The following PDE4D variants were observed in gnomAD, a reference collection of about 807,000 sequenced individuals.
PDE4D encodes 3',5'-cyclic-AMP phosphodiesterase 4D.
A neutral mutation model predicts 87.4 loss-of-function variants in PDE4D; 24 were observed. The ratio of observed to expected loss-of-function variants is 0.27; its 90% confidence interval spans 0.20 to 0.39. The LOEUF is 0.39. PDE4D is among the 10% of genes least tolerant of loss of function. PDE4D has a pLI of 1.00. For synonymous variants in PDE4D, 384 were observed against 383.2 expected, an observed-to-expected ratio of 1.00 and a Z score of -0.02; for missense variants, 714 against 1,041.0, an observed-to-expected ratio of 0.69 and a Z score of 4.32.
chr5:60,416,811 T>G (rs1479568891), intron 1 of PDE4D, among the ~76,000 whole-genome samples: 1 of 152,196 alleles, frequency 6.6e-6, no homozygotes, highest in African/African-American at 2.4e-5. Flanking sequence ...TAAAAACAGC[T>G]TGGGAATCTG....
At chr5:59,864,574 C>T (rs1279448870) in intron 1 of PDE4D, among the ~76,000 whole-genome samples, 2 of 152,178 alleles carry the variant, frequency 1.3e-5, no homozygotes, top group Non-Finnish European at 2.9e-5. Flanking sequence ...TTTCACTATG[C>T]TTAGCAAAGA....
chr5:59,749,937 T>C (rs1295275097), intron 1 of PDE4D, among the ~76,000 whole-genome samples: 1 of 152,124 alleles, frequency 6.6e-6, no homozygotes, highest in Non-Finnish European at 1.5e-5. Flanking sequence ...ACAATCTTCC[T>C]CAGCTTGACA....
intron 1 of PDE4D, among the ~76,000 whole-genome samples, chr5:60,331,629 G>A (rs1213707792): frequency 6.6e-6 from 1 of 152,162 alleles, no homozygotes; most frequent in African/African-American, 2.4e-5. Flanking sequence ...TGGCTTACAT[G>A]GGAGGGTTAG....
At chr5:59,100,265 CAT>C (rs1770512917) in intron 5 of PDE4D, among the ~76,000 whole-genome samples, 1 of 152,218 alleles carries the variant, frequency 6.6e-6, no homozygotes, top group African/African-American at 2.4e-5. Flanking sequence ...TGCTTTCTCA[CAT>C]AGTCTTATTC....
intron 5 of PDE4D, among the ~76,000 whole-genome samples, chr5:59,081,105 G>A (rs1239755413): frequency 6.6e-6 from 1 of 152,138 alleles, no homozygotes. Context: ...AAAGAGCATA[G>A]AGTCCTGCTA....
chr5:59,516,364 C>A (rs1453408560), intron 1 of PDE4D, among the ~76,000 whole-genome samples: 1 of 152,150 alleles, frequency 6.6e-6, no homozygotes, highest in Non-Finnish European at 1.5e-5. Context: ...GCCTTCAACA[C>A]CACACCATCA....
chr5:59,419,200 G>A (rs1337142082), intron 1 of PDE4D, among the ~76,000 whole-genome samples: 1 of 152,090 alleles, frequency 6.6e-6, no homozygotes, highest in Non-Finnish European at 1.5e-5. Context: ...CCCAGCTGGT[G>A]GTAGGTGTTT....
intron 1 of PDE4D, among the ~76,000 whole-genome samples, chr5:60,234,300 A>G (rs1746165413): frequency 6.6e-6 from 1 of 151,814 alleles, no homozygotes; most frequent in Non-Finnish European, 1.5e-5. Flanking sequence ...TTTCTCAATA[A>G]TACCTCACCG....
At chr5:59,973,090 C>G (rs1301969717) in intron 3 of PDE4D, among the ~76,000 whole-genome samples, 1 of 152,076 alleles carries the variant, frequency 6.6e-6, no homozygotes, top group East Asian at 1.9e-4. Flanking sequence ...AACAAAAGTT[C>G]ATGAATTTTT....
chr5:59,290,869 A>T (rs1169696467), intron 1 of PDE4D, among the ~76,000 whole-genome samples: 1 of 152,110 alleles, frequency 6.6e-6, no homozygotes, highest in Non-Finnish European at 1.5e-5. Flanking sequence ...GCAAATCAAA[A>T]CTATTGTGAG....
At chr5:59,170,850 G>A (rs1782639934) in intron 5 of PDE4D, among the ~76,000 whole-genome samples, 1 of 150,608 alleles carries the variant, frequency 6.6e-6, no homozygotes, top group South Asian at 2.1e-4. Flanking sequence ...CATTCACAGT[G>A]CTGTAATGAA....
intron 1 of PDE4D, among the ~76,000 whole-genome samples, chr5:59,523,257 T>C (rs185291266): frequency 2.4e-3 from 371 of 152,328 alleles, no homozygotes; most frequent in African/African-American, 8.4e-3. Context: ...AAATCCTTAT[T>C]AGCATTTTGT....
chr5:60,471,889 C>T (rs1747841620), intron 1 of PDE4D, among the ~76,000 whole-genome samples: 1 of 152,070 alleles, frequency 6.6e-6, no homozygotes, highest in Non-Finnish European at 1.5e-5. Context: ...ACAATACTCC[C>T]AAAGTATGCC....
chr5:59,568,842 A>G (rs1821367741), intron 1 of PDE4D, among the ~76,000 whole-genome samples: 1 of 152,176 alleles, frequency 6.6e-6, no homozygotes, highest in Admixed American at 6.5e-5. Context: ...GCCCTGGAAT[A>G]GAAAAAAAGA....
At chr5:60,044,178 T>C (rs1008325295) in intron 2 of PDE4D, among the ~76,000 whole-genome samples, 4 of 152,136 alleles carry the variant, frequency 2.6e-5, no homozygotes, top group Non-Finnish European at 5.9e-5. Flanking sequence ...ATACAAGACA[T>C]GATAAATGCC....
At chr5:59,105,470 C>G (rs1381662782) in intron 5 of PDE4D, among the ~76,000 whole-genome samples, 1 of 152,156 alleles carries the variant, frequency 6.6e-6, no homozygotes, top group Non-Finnish European at 1.5e-5. Context: ...AGAAACTATG[C>G]ATAAGTCCTG....
At chr5:59,410,243 T>G (rs1354407606) in intron 1 of PDE4D, among the ~76,000 whole-genome samples, 4 of 106,230 alleles carry the variant, frequency 3.8e-5, no homozygotes, top group Non-Finnish European at 7.5e-5. Context: ...TCAAGTGTTT[T>G]GTTTGTTTGT....
chr5:59,410,527 G>A (rs558565200), intron 1 of PDE4D, among the ~76,000 whole-genome samples: 3 of 152,134 alleles, frequency 2.0e-5, no homozygotes, highest in Non-Finnish European at 1.5e-5. Flanking sequence ...GATTGCAGGC[G>A]TGAGCCCCTG....
At chr5:59,160,819 C>T (rs554513951) in intron 5 of PDE4D, among the ~76,000 whole-genome samples, 7 of 149,296 alleles carry the variant, frequency 4.7e-5, no homozygotes, top group African/African-American at 1.2e-4. Flanking sequence ...TGTTTTTGGC[C>T]GGGTGTGGTG....
Sources: gnomAD v4.1 joint callset for allele counts (sites outside exome capture counted in the v4.1 genomes callset) on GRCh38, gnomAD v4.1.1 for gene constraint, MANE v1.5 for transcripts, NCBI Gene and HGNC (gene_info 2026-07-23, HGNC 2026-07-21) for gene names.